Variants in TEX11 observed in about 807,000 individuals in gnomAD.
TEX11 encodes the protein testis-expressed protein 11.
TEX11 carries 7 observed loss-of-function variants against 84.4 expected under a neutral mutation model. That is an observed-to-expected ratio of 0.08 (90% CI 0.05 to 0.16). The LOEUF is 0.16. Ranked by LOEUF, TEX11 falls within the 10% of genes least tolerant of loss-of-function variation. TEX11 has a pLI of 1.00. For missense variants in TEX11, 551 were observed against 660.5 expected (o/e 0.83, Z 1.82); for synonymous variants, 264 against 222.8 (o/e 1.18, Z -1.64).
chrX:70,834,391 A>AC (rs1453449850), intron 7 of TEX11, among the ~76,000 whole-genome samples: 1 of 110,549 alleles, frequency 9.0e-6, no homozygotes. Flanking sequence ...ATGTCTGAAC[A>AC]CCCCCAAATG....
chrX:70,689,124 G>A (rs1425749628), intron 13 of TEX11, among the ~76,000 whole-genome samples: 1 of 110,774 alleles, frequency 9.0e-6, no homozygotes, highest in Non-Finnish European at 1.9e-5. Flanking sequence ...TAAGAGCCAG[G>A]TTTCCCACTG....
chrX:70,907,776 T>G lies in TEX11; in HGVS notation c.14A>C (p.Asp5Ala). 8.4e-7 allele frequency: 1 copy of G among 1,186,209 alleles called. No homozygotes were observed. The highest frequency in any genetic ancestry group is 1.1e-6 in the Non-Finnish European group (1 of 872,419). MDND[D>A]FFSMDFKEVV... Reference sequence around the variant, plus strand: ...ACCTTTAAAGTCCATGGAAAAAAAATCATCATTGTCCATTTTTAAATCTCT... The same window carrying G: ...ACCTTTAAAGTCCATGGAAAAAAAAGCATCATTGTCCATTTTTAAATCTCT... The change falls in exon 2 of 30, where the codon GAT becomes GCT. Residue 5 changes from aspartate (D) to alanine (A), a missense_variant. Transcript: ENST00000374333.
At chrX:70,646,380 T>A (rs1269730633) in intron 17 of TEX11, among the ~76,000 whole-genome samples, 4 of 111,852 alleles carry the variant, frequency 3.6e-5, no homozygotes, top group African/African-American at 9.7e-5. Flanking sequence ...ACACATGGGA[T>A]TACATCAAAC....
At chrX:70,750,933 A>AAAAATAT (rs1390175136) in intron 9 of TEX11, among the ~76,000 whole-genome samples, 22 of 28,188 alleles carry the variant, frequency 7.8e-4, no homozygotes, top group East Asian at 7.0e-3. Flanking sequence ...AAAAAAAAAA[A>AAAAATAT]ATATATATAT....
intron 16 of TEX11, among the ~76,000 whole-genome samples, chrX:70,654,856 A>C (rs1419849630): frequency 9.0e-6 from 1 of 110,986 alleles, no homozygotes; most frequent in East Asian, 2.8e-4. Context: ...CTGGATTAAA[A>C]ATATGTAACT....
chrX:70,785,706 A>G (rs1313089278), intron 9 of TEX11, among the ~76,000 whole-genome samples: 1 of 112,422 alleles, frequency 8.9e-6, no homozygotes, highest in Non-Finnish European at 1.9e-5. Context: ...CAGCCAACAG[A>G]CACATGAAAA....
In TEX11 at chrX:70,605,497, A is replaced by G; in HGVS notation, c.1971T>C (p.Ser657=). The part of the protein sequence containing the change: ...LSYKMSQFCP[S]DQVILIARKT... ...TCCGTGCAATCAGAATTACTTGATC[A>G]GAAGGACAAAACTGGGACATCTGAT... The change falls in exon 24 of 30, where the codon TCT becomes TCC. Residue 657 remains serine (S), a synonymous_variant. Transcript: ENST00000374333. The G allele has an allele frequency of 8.3e-7, 1 of 1,203,736 alleles. No homozygotes were observed. The highest frequency in any genetic ancestry group is 1.1e-6 in the Non-Finnish European group (1 of 889,394).
intron 2 of TEX11, among the ~76,000 whole-genome samples, chrX:70,884,316 G>A (rs1160141943): frequency 3.6e-5 from 4 of 111,894 alleles, no homozygotes; most frequent in Non-Finnish European, 7.5e-5. Flanking sequence ...TTGAAATCCT[G>A]TACTTTCCAC....
At chrX:70,887,847 G>A (rs2091717981) in intron 2 of TEX11, among the ~76,000 whole-genome samples, 1 of 112,170 alleles carries the variant, frequency 8.9e-6, no homozygotes, top group African/African-American at 3.2e-5. Context: ...CCATGGGGAT[G>A]CTTCTGTCAC....
chrX:70,674,268 T>C (rs1022605087), intron 15 of TEX11, among the ~76,000 whole-genome samples: 9 of 112,545 alleles, frequency 8.0e-5, no homozygotes, highest in Non-Finnish European at 1.5e-4. Flanking sequence ...CTATGGTGTA[T>C]ATGTACCACA....
chrX:70,789,674 T>C (rs1208792558), intron 9 of TEX11, among the ~76,000 whole-genome samples: 1 of 112,267 alleles, frequency 8.9e-6, no homozygotes, highest in Non-Finnish European at 1.9e-5. Flanking sequence ...AAGGAAACCC[T>C]TGTACATTGT....
intron 15 of TEX11, among the ~76,000 whole-genome samples, chrX:70,675,094 T>C (rs772885217): frequency 3.6e-4 from 40 of 111,655 alleles, no homozygotes; most frequent in Non-Finnish European, 7.2e-4. Flanking sequence ...TATATGTTCT[T>C]GTCATGCATC....
chrX:70,581,132 G>A lies in TEX11; in HGVS notation c.2140+10619C>T, dbSNP rs574510386. Among the ~76,000 whole-genome samples the A allele has an allele frequency of 5.5e-5, 6 of 109,171 alleles. No homozygotes were observed. In the South Asian group the frequency reaches 2.0e-3, roughly 36 times the overall value. The allele number at this position is 109,171 out of a possible 115,157, so 94.8% of individuals were successfully genotyped here. A position where few individuals can be genotyped will look rare whatever the true frequency, so the allele number is the denominator to read the frequency against. ...TCCTCCTGCCACAGCCTCCCGAGTAGCTGGGAGTATAAGCATGTGCCACTA... is the reference window on the plus strand; with the variant it reads ...TCCTCCTGCCACAGCCTCCCGAGTAACTGGGAGTATAAGCATGTGCCACTA... On this transcript the variant is annotated intron_variant, in intron 25 of 29. Coordinates refer to ENST00000374333, the MANE Select transcript of TEX11 (RefSeq NM_031276.3).
chrX:70,723,811 A>AT (rs58463104), intron 12 of TEX11, among the ~76,000 whole-genome samples: 12,418 of 111,775 alleles, frequency 0.11, 582 homozygotes, highest in Middle Eastern at 0.19. Context: ...CAGTGCAATA[A>AT]TGCCAGCAGT....
chrX:70,813,559 C>T (rs1261832051), intron 8 of TEX11, among the ~76,000 whole-genome samples: 1 of 111,010 alleles, frequency 9.0e-6, no homozygotes, highest in Non-Finnish European at 1.9e-5. Context: ...TGCCCTCTCT[C>T]ACCACTCCTA....
At chrX:70,854,462 G>A (rs2091524197) in intron 5 of TEX11, among the ~76,000 whole-genome samples, 1 of 111,752 alleles carries the variant, frequency 8.9e-6, no homozygotes, top group African/African-American at 3.2e-5. Flanking sequence ...AGCATGGTGT[G>A]GCTCACGCCT....
At chrX:70,638,635 AC>A (rs1333017751) in intron 17 of TEX11, among the ~76,000 whole-genome samples, 1 of 109,553 alleles carries the variant, frequency 9.1e-6, no homozygotes, top group Admixed American at 9.8e-5. Context: ...CTCCATCTCT[AC>A]TAAAAATGCA....
intron 2 of TEX11, among the ~76,000 whole-genome samples, chrX:70,886,584 C>T (rs772596568): frequency 3.6e-5 from 4 of 111,691 alleles, no homozygotes; most frequent in Non-Finnish European, 7.5e-5. Context: ...TCATATTAAA[C>T]GTTCTTACCA....
chrX:70,844,766 C>CCAAAA (rs996496965), intron 7 of TEX11, among the ~76,000 whole-genome samples: 14 of 110,289 alleles, frequency 1.3e-4, no homozygotes, highest in South Asian at 7.8e-4. Context: ...ACTAGAAATA[C>CCAAAA]CAAAACAAAA....
Sources: allele counts gnomAD v4.1 joint callset (sites outside exome capture counted in the v4.1 genomes callset), GRCh38; gene constraint gnomAD v4.1.1; transcripts MANE v1.5; gene names NCBI Gene and HGNC (gene_info 2026-07-23, HGNC 2026-07-21).